Variants in MRPS27 observed in about 807,000 individuals in gnomAD.
MRPS27 encodes the protein small ribosomal subunit protein mS27.
Under a neutral mutation model 48.9 loss-of-function variants are expected in MRPS27, and 43 were observed. That is an observed-to-expected ratio of 0.88 (90% CI 0.69 to 1.13). The LOEUF is 1.13. Ranked by LOEUF, MRPS27 falls within the 50% of genes most tolerant of loss-of-function variation. The pLI is 0.00. For synonymous variants in MRPS27, 188 were observed against 171.9 expected (o/e 1.09, Z -0.73); for missense variants, 467 against 476.3 (o/e 0.98, Z 0.18).
At chr5:72,242,704 A>ACACACACT (rs1276716828) in intron 4 of MRPS27, among the ~76,000 whole-genome samples, 3 of 135,010 alleles carry the variant, frequency 2.2e-5, no homozygotes, top group African/African-American at 7.9e-5. Flanking sequence ...ACACACACAC[A>ACACACACT]CACTCACGGC....
At chr5:72,234,515 AC>A (rs968207369) in intron 5 of MRPS27, among the ~76,000 whole-genome samples, 49 of 151,860 alleles carry the variant, frequency 3.2e-4, no homozygotes, top group Admixed American at 4.6e-4. Flanking sequence ...AACCCACACA[AC>A]CCCCCTAACT....
intron 10 of MRPS27, 149 bp downstream of exon 10, chr5:72,223,534 C>T: frequency 2.1e-6 from 2 of 954,240 alleles, no homozygotes; most frequent in Non-Finnish European, 3.1e-6. Context: ...AGACCACTTC[C>T]TGTGCAAAGC....
Position 72,320,212 on chromosome 5 carries a change from A to T in MRPS27, c.10T>A (p.Ser4Thr). MAA[S>T]IVRRGMLLAR... ...AGGAGCATCCCGCGCCGCACTATGGAGGCAGCCATCTTGGAGCGTACCAAA... is the reference window on the plus strand; with the variant it reads ...AGGAGCATCCCGCGCCGCACTATGGTGGCAGCCATCTTGGAGCGTACCAAA... Residue 4 changes from serine to threonine, a missense_variant, in exon 1 of 11, where the codon TCC (serine) becomes ACC (threonine). Ser to Thr is a moderately conservative substitution (Grantham distance 58). Transcript: ENST00000261413. 6.2e-7 allele frequency: 1 copy of T among 1,613,908 alleles called. No individual in the cohort carries two copies. Among genetic ancestry groups the T allele is most frequent in the Non-Finnish European group, 8.5e-7 (1 of 1,179,870 alleles).
chr5:72,250,322 C>T (rs761192839), intron 4 of MRPS27, among the ~76,000 whole-genome samples: 5 of 152,150 alleles, frequency 3.3e-5, no homozygotes, highest in Non-Finnish European at 5.9e-5. Flanking sequence ...ACTTTTACTA[C>T]TTAGGGATAT....
intron 4 of MRPS27, among the ~76,000 whole-genome samples, chr5:72,275,058 G>A (rs1337238813): frequency 1.3e-5 from 2 of 152,254 alleles, no homozygotes; most frequent in East Asian, 3.9e-4. Context: ...GAAATAAAGG[G>A]TATTCAAATA....
chr5:72,294,116 G>T (rs940914044), intron 4 of MRPS27, among the ~76,000 whole-genome samples: 7 of 151,346 alleles, frequency 4.6e-5, no homozygotes, highest in African/African-American at 1.7e-4. Context: ...TTTTAAAGGT[G>T]TGGAATCTAG....
chr5:72,292,647 A>G (rs1749858490), intron 4 of MRPS27, among the ~76,000 whole-genome samples: 1 of 152,170 alleles, frequency 6.6e-6, no homozygotes, highest in Non-Finnish European at 1.5e-5. Flanking sequence ...TCAGCTCTTC[A>G]CTGATCATTC....
intron 4 of MRPS27, among the ~76,000 whole-genome samples, chr5:72,248,298 A>G (rs899115819): frequency 1.3e-5 from 2 of 152,220 alleles, no homozygotes; most frequent in African/African-American, 4.8e-5. Flanking sequence ...TTTTAATAGG[A>G]TGACAATCAT....
rs1455787522 is a variant in MRPS27 at position 72,220,658 on chromosome 5, G to C, written c.*251C>G. ...CCCTGTGCCCCAGGAACTCCATTAT[G>C]AGCCTCAAGAGTCCTCCTTAAGGTA... On this transcript the variant is annotated 3_prime_UTR_variant, in exon 11 of 11. Coordinates refer to ENST00000261413, the MANE Select transcript of MRPS27 (RefSeq NM_015084.3). 1 of 501,182 alleles carries C rather than the reference G, an allele frequency of 2.0e-6. No individual in the cohort carries two copies. Among genetic ancestry groups the C allele is most frequent in the East Asian group, 3.2e-5 (1 of 30,792 alleles). 31.0% of individuals were successfully genotyped at this position (501,182 alleles called of 1,614,324 possible). A position where few individuals can be genotyped will look rare whatever the true frequency, so the allele number is the denominator to read the frequency against.
At chr5:72,258,378 G>A (rs779228061) in intron 4 of MRPS27, among the ~76,000 whole-genome samples, 3 of 152,042 alleles carry the variant, frequency 2.0e-5, no homozygotes, top group African/African-American at 2.4e-5. Flanking sequence ...TCTATGATCC[G>A]GACTGAATAT....
intron 2 of MRPS27, among the ~76,000 whole-genome samples, chr5:72,308,510 G>T (rs563564467): frequency 1.3e-5 from 2 of 152,172 alleles, no homozygotes; most frequent in South Asian, 4.1e-4. Context: ...GGCCCTGCGC[G>T]CGCACGCTAC....
intron 3 of MRPS27, among the ~76,000 whole-genome samples, chr5:72,296,087 A>T (rs1403816776): frequency 6.6e-6 from 1 of 152,248 alleles, no homozygotes; most frequent in East Asian, 1.9e-4. Flanking sequence ...GCTATGCAAC[A>T]GTAAACCTAT....
chr5:72,223,748 C>A lies in MRPS27; in HGVS notation c.940G>T (p.Val314Leu). Reference protein sequence around the residue: ...DEDNQGSEKLVEQLDIEETEQ... With the variant: ...DEDNQGSEKLLEQLDIEETEQ... ...GTTTCCTCGATGTCTAACTGCTCCACCAGTTTTTCTGACCCCTGGTTGTCT... is the reference window on the plus strand; with the variant it reads ...GTTTCCTCGATGTCTAACTGCTCCAACAGTTTTTCTGACCCCTGGTTGTCT... The change falls in exon 10 of 11, where the codon GTG (valine) becomes TTG (leucine). Residue 314 changes from valine (V) to leucine (L), a missense_variant. Coordinates refer to ENST00000261413, the MANE Select transcript of MRPS27 (RefSeq NM_015084.3). 6.2e-7 allele frequency: 1 copy of A among 1,614,038 alleles called. No homozygotes were observed. Among genetic ancestry groups the A allele is most frequent in the East Asian group, 2.2e-5 (1 of 44,874 alleles).
chr5:72,254,452 T>C (rs1445242959), intron 4 of MRPS27, among the ~76,000 whole-genome samples: 1 of 152,068 alleles, frequency 6.6e-6, no homozygotes, highest in Non-Finnish European at 1.5e-5. Context: ...AAAAACACAA[T>C]AGCTACCCCC....
chr5:72,242,665 T>TACACAAAC (rs1254566981), intron 4 of MRPS27, among the ~76,000 whole-genome samples: 1 of 134,202 alleles, frequency 7.5e-6, no homozygotes, highest in East Asian at 2.1e-4. Flanking sequence ...AGACCCCGTC[T>TACACAAAC]ACACACACAC....
At chr5:72,295,656 GATC>G (rs1749958698) in intron 3 of MRPS27, 67 bp from the exon 4 acceptor site, 1 of 1,190,800 alleles carries the variant, frequency 8.4e-7, no homozygotes, top group Non-Finnish European at 1.2e-6. Flanking sequence ...CTAGGGCCTA[GATC>G]ACACATTGAC....
In MRPS27 at chr5:72,256,312, T is replaced by G. The variant is rs202245243; in HGVS notation, c.282-18184A>C. The stretch of plus-strand genomic sequence containing the variant: ...GCACTTTACATTTAAGAAGCACAAC[T>G]AAGACATTTCAAAATTTTAAATACT... On this transcript the variant is annotated intron_variant, in intron 4 of 10. Coordinates refer to ENST00000261413, the MANE Select transcript of MRPS27 (RefSeq NM_015084.3). Among the ~76,000 whole-genome samples, 8 of 152,292 alleles carry G rather than the reference T, an allele frequency of 5.3e-5. No individual in the cohort carries two copies. The East Asian group carries it at 1.3e-3, about 26-fold the overall frequency.
chr5:72,274,681 G>A (rs1049750223), intron 4 of MRPS27, among the ~76,000 whole-genome samples: 7 of 152,144 alleles, frequency 4.6e-5, no homozygotes, highest in African/African-American at 1.2e-4. Flanking sequence ...TGTACTGTAC[G>A]TAATTGTTTG....
At chr5:72,255,555 G>C (rs1748778872) in intron 4 of MRPS27, among the ~76,000 whole-genome samples, 1 of 152,122 alleles carries the variant, frequency 6.6e-6, no homozygotes, top group African/African-American at 2.4e-5. Context: ...ACAACATATA[G>C]ATGACATATT....
Sources: gnomAD v4.1 joint callset for allele counts (sites outside exome capture counted in the v4.1 genomes callset) on GRCh38, gnomAD v4.1.1 for gene constraint, MANE v1.5 for transcripts, NCBI Gene and HGNC (gene_info 2026-07-23, HGNC 2026-07-21) for gene names.